PDE4D: variants seen among roughly 807,000 people sequenced by gnomAD.
PDE4D encodes the protein phosphodiesterase 4D, also known as 3',5'-cyclic-AMP phosphodiesterase 4D.
In PDE4D, 24 loss-of-function variants were observed where a neutral mutation model predicts 87.4. That is an observed-to-expected ratio of 0.27 (90% confidence interval 0.20 to 0.39). The LOEUF (loss-of-function observed/expected upper bound fraction) is 0.39, where lower values mean the gene tolerates loss of function less well. Ranked by LOEUF, PDE4D falls within the 10% of genes least tolerant of loss-of-function variation. The pLI, the probability that PDE4D is intolerant of heterozygous loss-of-function variation, is 1.00. For missense variants in PDE4D, 714 were observed against 1,041.0 expected (o/e 0.69, Z 4.32); for synonymous variants, 384 against 383.2 (o/e 1.00, Z -0.02).
At chr5:59,225,860 C>T (rs376391207) in intron 1 of PDE4D, among the ~76,000 whole-genome samples, 99 of 150,626 alleles carry the variant, frequency 6.6e-4, no homozygotes, top group East Asian at 5.1e-3. Context: ...AAGAAATGGA[C>T]GTTTCTCCAA....
At chr5:59,715,787 A>C (rs1754927416) in intron 1 of PDE4D, among the ~76,000 whole-genome samples, 1 of 152,234 alleles carries the variant, frequency 6.6e-6, no homozygotes. Flanking sequence ...GTAGGGAAAT[A>C]AAAACCTGGC....
chr5:59,695,457 G>C (rs1751633030), intron 1 of PDE4D, among the ~76,000 whole-genome samples: 1 of 152,112 alleles, frequency 6.6e-6, no homozygotes, highest in African/African-American at 2.4e-5. Context: ...CTAGTTATCT[G>C]ATAGTTTAAC....
chr5:59,156,320 A>AATATATATATAT (rs1554082853), intron 5 of PDE4D, among the ~76,000 whole-genome samples: 4,693 of 80,510 alleles, frequency 0.058, 230 homozygotes, highest in Non-Finnish European at 0.083. Flanking sequence ...AAAAAAAAAA[A>AATATATATATAT]ATATATATAT....
intron 1 of PDE4D, among the ~76,000 whole-genome samples, chr5:60,419,438 T>G (rs1267679741): frequency 6.6e-6 from 1 of 151,600 alleles, no homozygotes; most frequent in Admixed American, 6.6e-5. Context: ...AGGGAGAGGA[T>G]TTCATATATA....
At chr5:58,988,788 T>A (rs1223077222) in intron 10 of PDE4D, among the ~76,000 whole-genome samples, 196 bp from the exon 11 acceptor site, 2 of 152,214 alleles carry the variant, frequency 1.3e-5, no homozygotes, top group South Asian at 4.1e-4. Flanking sequence ...TTTTATCTAA[T>A]TTTATTACAT....
chr5:60,393,351 C>A lies in PDE4D; in HGVS notation c.-90+94591G>T, dbSNP rs146389669. ...AAGCCAAGAGAGTCTTTAAGCATCG[C>A]ACATTGTGTCCAATACTTGAGGTGT... On this transcript the variant is annotated intron_variant, in intron 1 of 16. Transcript: ENST00000502484. Among the ~76,000 whole-genome samples, 15 of 152,262 alleles carry A rather than the reference C, an allele frequency of 9.9e-5. No individual in the cohort carries two copies. The East Asian group carries it at 2.9e-3, about 29-fold the overall frequency.
At chr5:59,416,394 A>C (rs974954334) in intron 1 of PDE4D, among the ~76,000 whole-genome samples, 3 of 152,078 alleles carry the variant, frequency 2.0e-5, no homozygotes, top group African/African-American at 7.2e-5. Context: ...TGTATGCCTG[A>C]ATTTTTTTCC....
At chr5:59,056,072 C>G (rs1186118548) in intron 5 of PDE4D, among the ~76,000 whole-genome samples, 1 of 152,192 alleles carries the variant, frequency 6.6e-6, no homozygotes, top group Admixed American at 6.5e-5. Flanking sequence ...GACAGGCTTC[C>G]TGGGGAGGAT....
chr5:59,728,939 T>TA (rs1298243426), intron 1 of PDE4D, among the ~76,000 whole-genome samples: 1 of 152,116 alleles, frequency 6.6e-6, no homozygotes, highest in Non-Finnish European at 1.5e-5. Flanking sequence ...CTTATGCTTA[T>TA]AATATTATGG....
chr5:59,149,253 A>G (rs2153459102), intron 5 of PDE4D, among the ~76,000 whole-genome samples: 1 of 152,286 alleles, frequency 6.6e-6, no homozygotes, highest in African/African-American at 2.4e-5. Context: ...TTTCAAACTC[A>G]GGTTAGATGT....
At position 60,109,338 on chromosome 5, in the gene PDE4D, A is replaced by G. The variant is rs536823339; in HGVS notation, c.42+76219T>C. Among the ~76,000 whole-genome samples the G allele has an allele frequency of 5.4e-3, 818 of 152,032 alleles. 3 individuals carry two copies. Among genetic ancestry groups the G allele is most frequent in the Middle Eastern group, 0.027 (8 of 292 alleles). ...ACCATCTCACACCAGTTAGAAAGGC[A>G]ATCATTAAAAAGTCAGGAAACAACA... On this transcript the variant is annotated intron_variant, in intron 2 of 16. Transcript: ENST00000502484.
At position 59,566,721 on chromosome 5, in the gene PDE4D, T is replaced by C. The variant is rs560815439; in HGVS notation, c.455+326447A>G. 3.9e-5 allele frequency among the ~76,000 whole-genome samples: 6 copies of C among 152,164 alleles called. No individual in the cohort carries two copies. The South Asian group carries it at 1.2e-3, about 32-fold the overall frequency. On this transcript the variant is annotated intron_variant, in intron 1 of 14. Transcript: ENST00000340635. ...GATGAATGCAAATAATGTTTGGCTA[T>C]GGGGGGATGAGGTGTGGCCATGTAG... is the stretch of plus-strand genomic sequence containing the variant.
chr5:60,120,998 T>C (rs1481967020), intron 2 of PDE4D, among the ~76,000 whole-genome samples: 1 of 152,050 alleles, frequency 6.6e-6, no homozygotes, highest in Non-Finnish European at 1.5e-5. Context: ...GGCAGAAGAA[T>C]GTGAAAACAT....
chr5:60,055,272 A>T (rs2152883086), intron 2 of PDE4D, among the ~76,000 whole-genome samples: 1 of 152,270 alleles, frequency 6.6e-6, no homozygotes, highest in East Asian at 1.9e-4. Context: ...AAAACCTTAC[A>T]AAAGCTTCAA....
At chr5:59,767,714 G>A (rs780224072) in intron 1 of PDE4D, among the ~76,000 whole-genome samples, 1 of 152,124 alleles carries the variant, frequency 6.6e-6, no homozygotes, top group African/African-American at 2.4e-5. Context: ...CTTTGGAAAG[G>A]CATGTTTAAG....
chr5:59,616,461 C>T (rs1829682705), intron 1 of PDE4D, among the ~76,000 whole-genome samples: 1 of 152,018 alleles, frequency 6.6e-6, no homozygotes, highest in Non-Finnish European at 1.5e-5. Flanking sequence ...ATCCCTCAAA[C>T]CATTAAAAGT....
intron 1 of PDE4D, chr5:59,586,470 T>C: frequency 6.9e-7 from 1 of 1,445,884 alleles, no homozygotes; most frequent in South Asian, 1.6e-5. Flanking sequence ...TTTGAGCAGC[T>C]ATCGTGGGCA....
At chr5:59,823,996 T>A (rs908652594) in intron 1 of PDE4D, among the ~76,000 whole-genome samples, 3 of 151,710 alleles carry the variant, frequency 2.0e-5, no homozygotes, top group Non-Finnish European at 4.4e-5. Flanking sequence ...AGTTTTACTG[T>A]CTTCATAGCA....
At position 59,309,399 on chromosome 5, in the gene PDE4D, G is replaced by A. The variant is rs563248542; in HGVS notation, c.456-93431C>T. Among the ~76,000 whole-genome samples the A allele has an allele frequency of 1.1e-4, 17 of 152,286 alleles. No homozygotes were observed. In the South Asian group the frequency reaches 3.5e-3, roughly 32 times the overall value. On this transcript the variant is annotated intron_variant, in intron 1 of 14. Coordinates refer to ENST00000340635, the MANE Select transcript of PDE4D (RefSeq NM_001104631.2). ...ATCCCTGTGATGCCAGGCATGGATG[G>A]CCTGCTAGGGGACTCAGAGAGCTTC...
Sources: allele counts gnomAD v4.1 joint callset (sites outside exome capture counted in the v4.1 genomes callset), GRCh38; gene constraint gnomAD v4.1.1; transcripts MANE v1.5; gene names NCBI Gene and HGNC (gene_info 2026-07-23, HGNC 2026-07-21).